Variants in NRAP observed in about 807,000 individuals in gnomAD.
NRAP encodes nebulin-related-anchoring protein.
NRAP carries 189 observed loss-of-function variants against 225.9 expected under a neutral mutation model. The ratio of observed to expected loss-of-function variants is 0.84; its 90% CI spans 0.74 to 0.94. The LOEUF (loss-of-function observed/expected upper bound fraction) is 0.94. Among genes scored for constraint, NRAP ranks in the 40% least tolerant of loss-of-function variants. The probability of loss-of-function intolerance (pLI) is 0.00; values close to 1 mark genes in which losing one functional copy is unlikely to be tolerated. For missense variants in NRAP, 2,176 were observed against 2,168.7 expected, an observed-to-expected ratio of 1.00 and a Z score of -0.07; for synonymous variants, 769 against 790.7, an observed-to-expected ratio of 0.97 and a Z score of 0.46.
At chr10:113,589,217 C>A (rs1200983011) in intron 41 of NRAP, 138 bp from the exon 42 acceptor site, 7 of 660,336 alleles carry the variant, frequency 1.1e-5, no homozygotes, top group South Asian at 2.0e-5. Flanking sequence ...CCCTCTTCTA[C>A]CCTCCCCAAG....
intron 3 of NRAP, among the ~76,000 whole-genome samples, chr10:113,660,147 C>T (rs189130316): frequency 6.6e-5 from 10 of 151,698 alleles, no homozygotes; most frequent in East Asian, 1.9e-4. Context: ...TATACACTCA[C>T]TATATACACA....
intron 20 of NRAP, among the ~76,000 whole-genome samples, chr10:113,628,457 G>A (rs1236401664): frequency 6.6e-6 from 1 of 152,086 alleles, no homozygotes; most frequent in Non-Finnish European, 1.5e-5. Context: ...TAAAGTAGTG[G>A]GATTACAGGC....
intron 31 of NRAP, among the ~76,000 whole-genome samples, chr10:113,609,746 G>A (rs1191586124): frequency 6.6e-6 from 1 of 152,028 alleles, no homozygotes; most frequent in Non-Finnish European, 1.5e-5. Context: ...ACTGGCTTGA[G>A]GTCACACAGC....
chr10:113,663,487 C>T, intron 1 of NRAP, 41 bp from the exon 2 acceptor site: 1 of 1,201,986 alleles, frequency 8.3e-7, no homozygotes, highest in Non-Finnish European at 1.2e-6. Context: ...TACCCTTTTC[C>T]CCCCAGACTC....
intron 20 of NRAP, among the ~76,000 whole-genome samples, chr10:113,626,396 T>G (rs1848296013): frequency 6.6e-6 from 1 of 152,234 alleles, no homozygotes; most frequent in Non-Finnish European, 1.5e-5. Flanking sequence ...TATTTCACCG[T>G]GTGCCCTGGG....
Position 113,592,321 on chromosome 10 carries a change from G to C in NRAP, c.4537-20C>G, listed in dbSNP as rs1344476471. ...GACTTTCTAGATTGGAAAAACAAAAGCATGAGTAAGCAGGCAGTCACTCCA... is the reference window on the plus strand; with the variant it reads ...GACTTTCTAGATTGGAAAAACAAAACCATGAGTAAGCAGGCAGTCACTCCA... On this transcript the variant is annotated intron_variant, in intron 38 of 41. Coordinates refer to ENST00000359988, the MANE Select transcript of NRAP (RefSeq NM_198060.4). The C allele has an allele frequency of 6.7e-7, 1 of 1,500,854 alleles. No individual in the cohort carries two copies. Among genetic ancestry groups the C allele is most frequent in the Non-Finnish European group, 9.3e-7 (1 of 1,080,000 alleles). 93.0% of individuals were successfully genotyped at this position (1,500,854 alleles called of 1,614,324 possible). A position where few individuals can be genotyped will look rare whatever the true frequency, so the allele number is the denominator to read the frequency against.
chr10:113,650,570 ACATGCCC>A, intron 7 of NRAP, 25 bp from the exon 8 acceptor site: 1 of 1,437,828 alleles, frequency 7.0e-7, no homozygotes, highest in Non-Finnish European at 9.8e-7. Flanking sequence ...CATGTGAATC[ACATGCCC>A]CATGTTTATC....
At chr10:113,652,097 G>A (rs969886709) in intron 6 of NRAP, among the ~76,000 whole-genome samples, 190 bp from the exon 7 acceptor site, 5 of 152,154 alleles carry the variant, frequency 3.3e-5, no homozygotes, top group Admixed American at 2.0e-4. Flanking sequence ...CCAGGAGTGT[G>A]CCAGGGACTG....
chr10:113,643,052 A>G lies in NRAP; in HGVS notation c.1111-14T>C. On this transcript the variant is annotated splice_polypyrimidine_tract_variant and intron_variant, in intron 11 of 41. Coordinates refer to ENST00000359988, the MANE Select transcript of NRAP (RefSeq NM_198060.4). ...CTTATACTCCACCTTGGAAATCAAAACACCAGACACACAATAGAACCAAAT... is the reference window on the plus strand; with the variant it reads ...CTTATACTCCACCTTGGAAATCAAAGCACCAGACACACAATAGAACCAAAT... The G allele has an allele frequency of 7.9e-7, 1 of 1,260,340 alleles. No homozygotes were observed. The highest frequency in any genetic ancestry group is 1.2e-6 in the Non-Finnish European group (1 of 857,448). The allele number at this position is 1,260,340 out of a possible 1,614,324, so 78.1% of individuals were successfully genotyped here.
chr10:113,620,293 G>T (rs1391428040), intron 25 of NRAP, among the ~76,000 whole-genome samples: 1 of 152,140 alleles, frequency 6.6e-6, no homozygotes, highest in Non-Finnish European at 1.5e-5. Context: ...TGCCATAAAT[G>T]TATCTTTTCA....
chr10:113,618,475 G>A (rs1021458363), intron 25 of NRAP, among the ~76,000 whole-genome samples: 5 of 152,218 alleles, frequency 3.3e-5, no homozygotes, highest in African/African-American at 4.8e-5. Context: ...ATTCACTTAC[G>A]TGCTGCCTAT....
intron 31 of NRAP, among the ~76,000 whole-genome samples, chr10:113,609,092 G>A (rs1375723628): frequency 6.6e-6 from 1 of 152,158 alleles, no homozygotes; most frequent in African/African-American, 2.4e-5. Flanking sequence ...CCTGGGAGGC[G>A]GAGGTTGCAG....
intron 1 of NRAP, 44 bp downstream of exon 1, chr10:113,663,767 C>T: frequency 7.4e-7 from 1 of 1,359,926 alleles, no homozygotes. Context: ...GGTCAATTTC[C>T]TGTGTTTGTT....
chr10:113,609,255 C>G (rs974967484), intron 31 of NRAP, among the ~76,000 whole-genome samples: 2 of 152,202 alleles, frequency 1.3e-5, no homozygotes, highest in African/African-American at 4.8e-5. Context: ...GTAAATTAGT[C>G]AGTGGGGCCC....
At chr10:113,637,954 A>G (rs1848975719) in intron 14 of NRAP, among the ~76,000 whole-genome samples, 1 of 152,078 alleles carries the variant, frequency 6.6e-6, no homozygotes, top group Non-Finnish European at 1.5e-5. Flanking sequence ...TGTGCTTTTT[A>G]GTTAATGATT....
chr10:113,645,981 T>C, intron 10 of NRAP, 40 bp from the exon 11 acceptor site: 1 of 1,059,872 alleles, frequency 9.4e-7, no homozygotes, highest in Non-Finnish European at 1.4e-6. Flanking sequence ...AGTTGATGTT[T>C]CCATGCTCTG....
chr10:113,630,604 G>A (rs1848525478), intron 18 of NRAP, among the ~76,000 whole-genome samples: 1 of 152,102 alleles, frequency 6.6e-6, no homozygotes, highest in Non-Finnish European at 1.5e-5. Flanking sequence ...CATGGCTTTG[G>A]GAAAGACACA....
At position 113,612,267 on chromosome 10, in the gene NRAP, G is replaced by A; in HGVS notation, c.3465C>T (p.Ser1155=). 1 of 1,614,134 alleles carries A rather than the reference G, an allele frequency of 6.2e-7. No individual in the cohort carries two copies. The highest frequency in any genetic ancestry group is 8.5e-7 in the Non-Finnish European group (1 of 1,179,990). ...GCAATTTGTGAGCTTTCTTGGCACA[G>A]CTCAGCCTCAGGTCTTCTGCCAAGG... ...YTSLAEDLRL[S]CAKKAHKLQS... is the part of the protein sequence containing the mutation. Residue 1155 remains serine (S), a synonymous_variant, in exon 30 of 42, where the codon AGC becomes AGT. Transcript: ENST00000359988.
intron 9 of NRAP, among the ~76,000 whole-genome samples, chr10:113,648,683 A>T (rs1051340520): frequency 6.6e-6 from 1 of 152,064 alleles, no homozygotes; most frequent in Non-Finnish European, 1.5e-5. Flanking sequence ...GAGTCATGCT[A>T]AATCACAACA....
Sources: gnomAD v4.1 joint callset for allele counts (sites outside exome capture counted in the v4.1 genomes callset) on GRCh38, gnomAD v4.1.1 for gene constraint, MANE v1.5 for transcripts, NCBI Gene and HGNC (gene_info 2026-07-23, HGNC 2026-07-21) for gene names.